Variants in TUBA4A observed in about 807,000 individuals in gnomAD.
TUBA4A encodes tubulin alpha 4a.
Under a neutral mutation model 34.3 loss-of-function variants are expected in TUBA4A, and 23 were observed. The ratio of observed to expected loss-of-function variants is 0.67; its 90% confidence interval spans 0.48 to 0.95. TUBA4A has a LOEUF of 0.95. Ranked by LOEUF, TUBA4A falls within the 40% of genes least tolerant of loss-of-function variation. TUBA4A has a pLI of 0.00. For synonymous variants in TUBA4A, 216 were observed against 230.5 expected (o/e 0.94, Z 0.57); for missense variants, 279 against 599.0 (o/e 0.47, Z 5.58).
intron 1 of TUBA4A, chr2:219,253,493 T>A (rs1951683234): frequency 8.0e-7 from 1 of 1,243,730 alleles, no homozygotes; most frequent in East Asian, 2.5e-5. Flanking sequence ...ACTGGGGATG[T>A]AAGAGGGCAG....
chr2:219,253,004 G>A (rs1165046083), intron 1 of TUBA4A: 2 of 597,682 alleles, frequency 3.3e-6, no homozygotes, highest in African/African-American at 1.9e-5. Flanking sequence ...ACCCAGAAAG[G>A]AAGTGGAACC....
At position 219,250,606 on chromosome 2, in the gene TUBA4A, C is replaced by T; in HGVS notation, c.1093G>A (p.Gly365Arg). The change falls in exon 4 of 4, where the codon GGG (glycine) becomes AGG (arginine). Residue 365 changes from glycine to arginine, a missense_variant. Gly to Arg is a moderately radical substitution (Grantham distance 125). Around this residue, in one of 3 missense-constraint regions of TUBA4A, gnomAD observed 73 missense variants for 128.0 expected, o/e 0.57. Transcript: ENST00000248437. The surrounding 1 kb of genome is among the most constrained non-coding windows in gnomAD (Gnocchi z 8.4). The stretch of plus-strand genomic sequence containing the variant: ...CGCTGCACCTTGGCCAGGTCACCCC[C>T]AGGCACCACAGTGGGAGGCTGGTAG... ...INYQPPTVVP[G>R]GDLAKVQRAV... is the part of the protein sequence containing the mutation. The T allele has an allele frequency of 6.2e-7, 1 of 1,614,262 alleles. No homozygotes were observed. The highest frequency in any genetic ancestry group is 8.5e-7 in the Non-Finnish European group (1 of 1,180,052).
rs1480634388 is a variant in TUBA4A, at chr2:219,251,740, T to C, written c.227-27A>G. The C allele has an allele frequency of 6.2e-7, 1 of 1,603,178 alleles. No homozygotes were observed. The highest frequency in any genetic ancestry group is 8.5e-7 in the Non-Finnish European group (1 of 1,172,566). ...TGGAAGGGCAAAAACCACAAAGCTATGCTCAGCAGGGACCTTCCTCCCCCA... is the reference window on the plus strand; with the variant it reads ...TGGAAGGGCAAAAACCACAAAGCTACGCTCAGCAGGGACCTTCCTCCCCCA... On this transcript the variant is annotated intron_variant, in intron 2 of 3. Transcript: ENST00000248437. The surrounding 1 kb of genome is among the most constrained non-coding windows in gnomAD (Gnocchi z 6.1).
chr2:219,253,455 C>A, intron 1 of TUBA4A: 7 of 1,454,792 alleles, frequency 4.8e-6, no homozygotes, highest in Admixed American at 2.0e-5. Flanking sequence ...GCGCCAAGCA[C>A]GTGCTCGGTC....
rs767674765 is a variant in TUBA4A, at chr2:219,251,349, A to T, written c.376-26T>A. The T allele has an allele frequency of 1.9e-6, 3 of 1,575,328 alleles. No homozygotes were observed. The Admixed American group carries it at 5.3e-5, about 28-fold the overall frequency. ...CTGAAAGGCAAGAACGAGAAAGAAC[A>T]GTTTAGGTAGGGGAGGGGCCTGAGG... On this transcript the variant is annotated intron_variant, in intron 3 of 3. Transcript: ENST00000248437. This position sits in a 1 kb window ranked among gnomAD's most constrained non-coding sequence, Gnocchi z 6.1.
At chr2:219,253,118 T>A (rs1470777061) in intron 1 of TUBA4A, 13 of 1,480,026 alleles carry the variant, frequency 8.8e-6, no homozygotes, top group Non-Finnish European at 9.1e-7. Flanking sequence ...TTACAGTTAT[T>A]TCCCAGCCCA....
rs1199854038 is a variant in TUBA4A, at chr2:219,253,902, G to A, written c.-44C>T. On this transcript the variant is annotated 5_prime_UTR_variant, in exon 1 of 4. Coordinates refer to ENST00000248437, the MANE Select transcript of TUBA4A (RefSeq NM_006000.3). ...GTCTCACGTTGAGTCGGGGTGACAG[G>A]TCTCAGTGAGAACTGCGCTAGCTGC... The A allele has an allele frequency of 5.0e-6, 7 of 1,410,016 alleles. No homozygotes were observed. The highest frequency in any genetic ancestry group is 5.7e-5 in the East Asian group (2 of 35,138). 87.3% of individuals were successfully genotyped at this position (1,410,016 alleles called of 1,614,324 possible).
Position 219,253,883 on chromosome 2 carries a change from C to A in TUBA4A, c.-25G>T. 1 of 1,437,704 alleles carries A rather than the reference C, an allele frequency of 7.0e-7. No homozygotes were observed. The highest frequency in any genetic ancestry group is 9.1e-7 in the Non-Finnish European group (1 of 1,094,468). The allele number at this position is 1,437,704 out of a possible 1,614,324, so 89.1% of individuals were successfully genotyped here. A position where few individuals can be genotyped will look rare whatever the true frequency, so the allele number is the denominator to read the frequency against. On this transcript the variant is annotated 5_prime_UTR_variant, in exon 1 of 4. Coordinates refer to ENST00000248437, the MANE Select transcript of TUBA4A (RefSeq NM_006000.3). ...TGGTGAGTCCGGGCGGTGCGTCTCA[C>A]GTTGAGTCGGGGTGACAGGTCTCAG... is the stretch of plus-strand genomic sequence containing the variant.
chr2:219,251,931 C>A lies in TUBA4A; in HGVS notation c.226+77G>T. The A allele has an allele frequency of 6.7e-7, 1 of 1,499,352 alleles. No homozygotes were observed. Among genetic ancestry groups the A allele is most frequent in the South Asian group, 1.2e-5 (1 of 84,998 alleles). The allele number at this position is 1,499,352 out of a possible 1,614,324, so 92.9% of individuals were successfully genotyped here. A position where few individuals can be genotyped will look rare whatever the true frequency, so the allele number is the denominator to read the frequency against. ...ATTTTCAGGGCTAGGAATGCCTGGT[C>A]TAAATACCCTCTCTCTCCAGGGAGA... On this transcript the variant is annotated intron_variant, in intron 2 of 3. Transcript: ENST00000248437. This position sits in a 1 kb window ranked among gnomAD's most constrained non-coding sequence, Gnocchi z 6.1.
chr2:219,253,357 G>GGT (rs945158333), intron 1 of TUBA4A: 14 of 1,515,780 alleles, frequency 9.2e-6, no homozygotes, highest in East Asian at 2.5e-5. Context: ...TGAGTCACGG[G>GGT]GGGGGGGTGG....
chr2:219,251,101 A>G lies in TUBA4A; in HGVS notation c.598T>C (p.Cys200Arg), dbSNP rs1399981537. 6.2e-7 allele frequency: 1 copy of G among 1,614,102 alleles called. No homozygotes were observed. Among genetic ancestry groups the G allele is most frequent in the East Asian group, 2.2e-5 (1 of 44,906 alleles). Residue 200 changes from cysteine to arginine, a missense_variant, in exon 4 of 4, where the codon TGT (cysteine) becomes CGT (arginine). Physicochemically the swap from Cys to Arg is radical, Grantham distance 180. Transcript: ENST00000248437. This position sits in a 1 kb window ranked among gnomAD's most constrained non-coding sequence, Gnocchi z 6.1. ...TTHTTLEHSD[C>R]AFMVDNEAIY... ...GCTTCGTTGTCCACCATGAAGGCAC[A>G]GTCTGAGTGCTCCAGGGTGGTGTGG...
rs377319362 is a variant in TUBA4A, at chr2:219,250,873, T to C, written c.826A>G (p.Ile276Val). ...TCGTGGTATGCCTTTTCTGCAGAGATGACTGGTGCATAGGTGGCCAGGGGG... is the reference window on the plus strand; with the variant it reads ...TCGTGGTATGCCTTTTCTGCAGAGACGACTGGTGCATAGGTGGCCAGGGGG... The part of the protein sequence containing the change: ...HFPLATYAPV[I>V]SAEKAYHEQL... The change falls in exon 4 of 4, where the codon ATC (isoleucine) becomes GTC (valine). Residue 276 changes from isoleucine (I) to valine (V), a missense_variant. This residue lies in a region of TUBA4A where 108 missense variants were observed against 299.9 expected (regional missense o/e 0.36). Coordinates refer to ENST00000248437, the MANE Select transcript of TUBA4A (RefSeq NM_006000.3). The surrounding 1 kb of genome is among the most constrained non-coding windows in gnomAD (Gnocchi z 8.4). 6.2e-7 allele frequency: 1 copy of C among 1,613,906 alleles called. No individual in the cohort carries two copies. The highest frequency in any genetic ancestry group is 8.5e-7 in the Non-Finnish European group (1 of 1,180,002).
chr2:219,252,687 C>G lies in TUBA4A; in HGVS notation c.4-457G>C. ...TGACCACACGCCATCAGGATGCCCT[C>G]CTCCCTCACCTTTAAATCCCATCTG... is the stretch of plus-strand genomic sequence containing the variant. On this transcript the variant is annotated intron_variant, in intron 1 of 3. Coordinates refer to ENST00000248437, the MANE Select transcript of TUBA4A (RefSeq NM_006000.3). This position sits in a 1 kb window ranked among gnomAD's most constrained non-coding sequence, Gnocchi z 4.1. The G allele has an allele frequency of 2.3e-6, 1 of 441,700 alleles. No homozygotes were observed. Among genetic ancestry groups the G allele is most frequent in the South Asian group, 1.6e-5 (1 of 61,686 alleles). 27.4% of individuals were successfully genotyped at this position (441,700 alleles called of 1,614,324 possible).
chr2:219,251,412 C>A lies in TUBA4A; in HGVS notation c.376-89G>T. On this transcript the variant is annotated intron_variant, in intron 3 of 3. Transcript: ENST00000248437. The surrounding 1 kb of genome is among the most constrained non-coding windows in gnomAD (Gnocchi z 6.1). Reference sequence around the variant, plus strand: ...TGGCTCCATAAAGCGTAAGATACATCAGCAGTCAGGGCAAATACTGAGGAT... The same window carrying A: ...TGGCTCCATAAAGCGTAAGATACATAAGCAGTCAGGGCAAATACTGAGGAT... 6.5e-7 allele frequency: 1 copy of A among 1,540,048 alleles called. No individual in the cohort carries two copies. Among genetic ancestry groups the A allele is most frequent in the Non-Finnish European group, 8.8e-7 (1 of 1,141,556 alleles).
chr2:219,251,214 C>T lies in TUBA4A; in HGVS notation c.485G>A (p.Gly162Asp), dbSNP rs1222608163. 6.2e-7 allele frequency: 1 copy of T among 1,613,938 alleles called. No individual in the cohort carries two copies. ...LLMERLSVDY[G>D]KKSKLEFSIY... ...GGAGAATTCCAGCTTGGATTTCTTG[C>T]CATAGTCAACAGAGAGCCGCTCCAT... The change falls in exon 4 of 4, where the codon GGC becomes GAC. Residue 162 changes from glycine to aspartate, a missense_variant. Physicochemically the swap from Gly to Asp is moderately conservative, Grantham distance 94 (BLOSUM62 -1). Around this residue, in one of 3 missense-constraint regions of TUBA4A, gnomAD observed 108 missense variants for 299.9 expected, o/e 0.36. Transcript: ENST00000248437. This position sits in a 1 kb window ranked among gnomAD's most constrained non-coding sequence, Gnocchi z 6.1.
rs11556347 is a variant in TUBA4A at position 219,251,628 on chromosome 2, G to T, written c.312C>A (p.Ala104=). 1.2e-6 allele frequency: 2 copies of T among 1,614,062 alleles called. No individual in the cohort carries two copies. Among genetic ancestry groups the T allele is most frequent in the African/African-American group, 2.7e-5 (2 of 74,932 alleles). ...CCTTGCCAATGGTATAGTGACCACG[G>T]GCATAGTTGTTGGCAGCATCCTCTT... ...TGKEDAANNY[A]RGHYTIGKEI... Residue 104 remains alanine, a synonymous_variant, in exon 3 of 4, where the codon GCC becomes GCA. Transcript: ENST00000248437. This position sits in a 1 kb window ranked among gnomAD's most constrained non-coding sequence, Gnocchi z 6.1.
intron 1 of TUBA4A, 152 bp downstream of exon 1, chr2:219,253,704 G>A (rs766919411): frequency 3.1e-6 from 3 of 978,582 alleles, no homozygotes; most frequent in Non-Finnish European, 3.0e-6. Context: ...AAAGTCACCA[G>A]GAGGGGGTTG....
chr2:219,252,120 A>G lies in TUBA4A; in HGVS notation c.114T>C (p.Ser38=). ...CGTCCCCTCCACCAATGGTCTTGTCACTGGGCATCTGCCCATCAGGCTGAA... is the reference window on the plus strand; with the variant it reads ...CGTCCCCTCCACCAATGGTCTTGTCGCTGGGCATCTGCCCATCAGGCTGAA... ...HGIQPDGQMP[S]DKTIGGGDDS... Residue 38 remains serine, a synonymous_variant, in exon 2 of 4, where the codon AGT becomes AGC. Transcript: ENST00000248437. This position sits in a 1 kb window ranked among gnomAD's most constrained non-coding sequence, Gnocchi z 4.1. The G allele has an allele frequency of 6.2e-7, 1 of 1,614,168 alleles. No homozygotes were observed. Among genetic ancestry groups the G allele is most frequent in the Non-Finnish European group, 8.5e-7 (1 of 1,180,026 alleles).
rs886525782 is a variant in TUBA4A, at chr2:219,253,382, G to T, written c.3+474C>A. The T allele has an allele frequency of 1.2e-5, 18 of 1,535,220 alleles. No homozygotes were observed. In the African/African-American group the frequency reaches 2.1e-4, roughly 18 times the overall value. ...GGGGGGGGTGGTTCTGTGGATAGTT[G>T]GAATGCATACACAGAGGAAAGGGGG... On this transcript the variant is annotated intron_variant, in intron 1 of 3. Transcript: ENST00000248437.
Sources: allele counts gnomAD v4.1 joint callset, GRCh38; gene constraint gnomAD v4.1.1; regional missense constraint gnomAD v4.1.1; non-coding constraint Gnocchi (gnomAD v3.1); transcripts MANE v1.5; gene names NCBI Gene and HGNC (gene_info 2026-07-23, HGNC 2026-07-21).